The following CRYBG1 variants were observed in gnomAD, a reference collection of about 807,000 sequenced individuals.
The protein encoded by CRYBG1 is beta/gamma crystallin domain-containing protein 1.
In CRYBG1, 139 loss-of-function variants were observed where a neutral mutation model predicts 189.2. The ratio of observed to expected loss-of-function variants is 0.73; its 90% CI spans 0.64 to 0.85. The LOEUF (loss-of-function observed/expected upper bound fraction) is 0.85. Among genes scored for constraint, CRYBG1 ranks in the 40% least tolerant of loss-of-function variants. The pLI is 0.00. For missense variants in CRYBG1, 2,611 were observed against 2,675.8 expected (o/e 0.98, Z 0.53); for synonymous variants, 1,023 against 1,017.1 (o/e 1.01, Z -0.11).
chr6:106,554,644 T>C (rs1285640682), intron 16 of CRYBG1, among the ~76,000 whole-genome samples: 1 of 152,102 alleles, frequency 6.6e-6, no homozygotes, highest in African/African-American at 2.4e-5. Flanking sequence ...CATAGTTGGA[T>C]AGTAAAGCTT....
intron 1 of CRYBG1, among the ~76,000 whole-genome samples, chr6:106,416,999 CTTTTTTTTT>C (rs71663353): frequency 2.9e-5 from 2 of 69,504 alleles, no homozygotes; most frequent in South Asian, 1.2e-3. Flanking sequence ...ATGGGATTTA[CTTTTTTTTT>C]TTTTTTTTTT....
rs758953735 is a variant in CRYBG1, at chr6:106,512,162, G to T, written c.1045G>T (p.Glu349Ter). ...ASDLPGEPPA[E>*]GAAHTASSAQ... Reference sequence around the variant, plus strand: ...TGATTTGCCAGGTGAGCCTCCGGCCGAGGGCGCAGCGCACACGGCCAGCTC... The same window carrying T: ...TGATTTGCCAGGTGAGCCTCCGGCCTAGGGCGCAGCGCACACGGCCAGCTC... The change falls in exon 3 of 22, where the codon GAG becomes TAG. Residue 349 changes from glutamate to a stop codon, truncating the protein, a stop_gained. Transcript: ENST00000633556. LOFTEE classifies it high-confidence loss of function. The T allele has an allele frequency of 6.5e-7, 1 of 1,534,534 alleles. No individual in the cohort carries two copies. The highest frequency in any genetic ancestry group is 8.7e-7 in the Non-Finnish European group (1 of 1,145,946).
Position 106,553,589 on chromosome 6 carries a change from C to A in CRYBG1, c.5585+22C>A, listed in dbSNP as rs371896752. ...GCAGGTAAGTGAAACAAAGGCCTGGCAGAGCTGAATCACTGGAGTAAAACA... is the reference window on the plus strand; with the variant it reads ...GCAGGTAAGTGAAACAAAGGCCTGGAAGAGCTGAATCACTGGAGTAAAACA... On this transcript the variant is annotated intron_variant, in intron 16 of 21. Transcript: ENST00000633556. 9.6e-5 allele frequency: 139 copies of A among 1,450,148 alleles called. No homozygotes were observed. In the South Asian group the frequency reaches 1.5e-3, roughly 16 times the overall value. The allele number at this position is 1,450,148 out of a possible 1,614,324, so 89.8% of individuals were successfully genotyped here.
rs746875283 is a variant in CRYBG1 at position 106,530,322 on chromosome 6, A to AT, written c.4718+16dup. ...TGAAAGTACATTGGGGCACGTAAGTATTTTTTTTTCAAACAAATTTTAATG... is the reference window on the plus strand; with the variant it reads ...TGAAAGTACATTGGGGCACGTAAGTATTTTTTTTTTCAAACAAATTTTAATG... On this transcript the variant is annotated splice_region_variant and intron_variant, in intron 8 of 21. Coordinates refer to ENST00000633556, the MANE Select transcript of CRYBG1 (RefSeq NM_001371242.2). 434 of 1,572,832 alleles carry AT rather than the reference A, an allele frequency of 2.8e-4. No individual in the cohort carries two copies. The highest frequency in any genetic ancestry group is 8.2e-4 in the South Asian group (71 of 86,828).
At chr6:106,429,363 C>G (rs769854261) in intron 1 of CRYBG1, among the ~76,000 whole-genome samples, 1 of 150,626 alleles carries the variant, frequency 6.6e-6, no homozygotes, top group Non-Finnish European at 1.5e-5. Context: ...AGGAAAATGT[C>G]CATGCTGTAT....
chr6:106,474,880 T>A (rs1242549503), intron 2 of CRYBG1, among the ~76,000 whole-genome samples: 5 of 152,220 alleles, frequency 3.3e-5, no homozygotes, highest in African/African-American at 1.2e-4. Flanking sequence ...TGATTTGAAA[T>A]TTTAAAATAT....
chr6:106,393,835 G>T (rs1770555158), intron 1 of CRYBG1, among the ~76,000 whole-genome samples: 2 of 152,002 alleles, frequency 1.3e-5, no homozygotes, highest in African/African-American at 4.8e-5. Flanking sequence ...ACCATGCTTG[G>T]CTAATTTATG....
At chr6:106,558,123 G>A (rs548697790) in intron 17 of CRYBG1, among the ~76,000 whole-genome samples, 54 of 151,278 alleles carry the variant, frequency 3.6e-4, no homozygotes, top group Non-Finnish European at 7.1e-4. Flanking sequence ...CTGACCCTTG[G>A]CAATTATGTC....
chr6:106,562,584 T>C (rs551852250), intron 20 of CRYBG1, among the ~76,000 whole-genome samples: 2 of 152,322 alleles, frequency 1.3e-5, no homozygotes, highest in South Asian at 4.1e-4. Context: ...CCTCCCGGGT[T>C]CACGCGATTC....
chr6:106,519,911 T>A lies in CRYBG1; in HGVS notation c.2703T>A (p.Asp901Glu). ...QSPISSFPCT[D>E]LKVSENHKGC... ...CCATAAGCAGTTTCCCATGCACTGA[T>A]CTAAAAGTGTCAGAAAACCATAAAG... The change falls in exon 4 of 22, where the codon GAT (aspartate) becomes GAA (glutamate). Residue 901 changes from aspartate to glutamate, a missense_variant. Around this residue, in one of 3 missense-constraint regions of CRYBG1, gnomAD observed 1,622 missense variants for 1,735.0 expected, o/e 0.93. Transcript: ENST00000633556. 6.2e-7 allele frequency: 1 copy of A among 1,614,172 alleles called. No homozygotes were observed. The highest frequency in any genetic ancestry group is 8.5e-7 in the Non-Finnish European group (1 of 1,180,044).
intron 1 of CRYBG1, among the ~76,000 whole-genome samples, chr6:106,442,775 C>T (rs144242854): frequency 3.7e-4 from 57 of 152,018 alleles, no homozygotes; most frequent in African/African-American, 1.4e-3. Context: ...CCCAGGAGCC[C>T]CTTAAAGAGA....
At chr6:106,363,243 CAAA>C (rs57040798) in intron 1 of CRYBG1, among the ~76,000 whole-genome samples, 2,041 of 111,080 alleles carry the variant, frequency 0.018, 51 homozygotes, top group African/African-American at 0.066. Flanking sequence ...AACTCCGTCT[CAAA>C]AAAAAAAAAA....
At chr6:106,455,048 T>G (rs1771856959) in intron 2 of CRYBG1, 1 of 152,338 alleles carries the variant, frequency 6.6e-6, no homozygotes, top group Non-Finnish European at 1.5e-5. Context: ...AACTACAAAT[T>G]AGAATATTGC....
intron 1 of CRYBG1, among the ~76,000 whole-genome samples, chr6:106,411,229 G>C (rs1015004963): frequency 6.6e-6 from 1 of 152,148 alleles, no homozygotes; most frequent in African/African-American, 2.4e-5. Flanking sequence ...TGGGTTTCTA[G>C]AGGAAATTGG....
intron 2 of CRYBG1, among the ~76,000 whole-genome samples, chr6:106,454,075 A>G (rs182725393): frequency 2.0e-5 from 3 of 152,264 alleles, no homozygotes; most frequent in Non-Finnish European, 4.4e-5. Flanking sequence ...CAAAATCTCT[A>G]CAACAGAAGA....
intron 1 of CRYBG1, among the ~76,000 whole-genome samples, chr6:106,367,978 A>G (rs1409577895): frequency 6.6e-6 from 1 of 152,176 alleles, no homozygotes; most frequent in East Asian, 1.9e-4. Context: ...AAATGAGTAC[A>G]TCTTTTTTGT....
At chr6:106,387,411 G>C (rs895873426) in intron 1 of CRYBG1, among the ~76,000 whole-genome samples, 2 of 152,156 alleles carry the variant, frequency 1.3e-5, no homozygotes, top group Admixed American at 1.3e-4. Flanking sequence ...CTCCCCTCAT[G>C]GGGTCTTAAG....
In CRYBG1 at chr6:106,425,234, A is replaced by G. The variant is rs531112679; in HGVS notation, c.174-26460A>G. On this transcript the variant is annotated intron_variant, in intron 1 of 21. Transcript: ENST00000633556. The stretch of plus-strand genomic sequence containing the variant: ...TGCCCCTCATTCAATGAGGAGTAAC[A>G]CCTGAGCCACCCTCTCTCCTTCCAG... Among the ~76,000 whole-genome samples the G allele has an allele frequency of 2.0e-5, 3 of 152,104 alleles. No homozygotes were observed. The South Asian group carries it at 6.2e-4, about 32-fold the overall frequency.
chr6:106,372,452 A>G (rs1367862535), intron 1 of CRYBG1, among the ~76,000 whole-genome samples: 1 of 152,144 alleles, frequency 6.6e-6, no homozygotes, highest in Non-Finnish European at 1.5e-5. Context: ...AGATTTGGCC[A>G]TGTTGGCCAG....
Sources: gnomAD v4.1 joint callset for allele counts (sites outside exome capture counted in the v4.1 genomes callset) on GRCh38, gnomAD v4.1.1 for gene constraint, gnomAD v4.1.1 regional missense constraint, MANE v1.5 for transcripts, NCBI Gene and HGNC (gene_info 2026-07-23, HGNC 2026-07-21) for gene names.